CADPS2: variants seen among roughly 807,000 people sequenced by gnomAD.
CADPS2 encodes calcium dependent secretion activator 2, also known as calcium-dependent secretion activator 2.
Under a neutral mutation model 172.5 loss-of-function variants are expected in CADPS2, and 93 were observed. The ratio of observed to expected loss-of-function variants is 0.54; its 90% CI spans 0.46 to 0.64. The LOEUF (loss-of-function observed/expected upper bound fraction) is 0.64. Ranked by LOEUF, CADPS2 falls within the 30% of genes least tolerant of loss-of-function variation. CADPS2 has a pLI of 0.00. For missense variants in CADPS2, 1,420 were observed against 1,565.9 expected (o/e 0.91, Z 1.57); for synonymous variants, 546 against 555.2 (o/e 0.98, Z 0.23).
intron 17 of CADPS2, among the ~76,000 whole-genome samples, chr7:122,435,142 G>GA (rs554125053): frequency 5.3e-4 from 80 of 152,094 alleles, no homozygotes; most frequent in South Asian, 4.6e-3. Flanking sequence ...GAAGCCCTGA[G>GA]AAAAAGAGAG....
chr7:122,850,517 T>C (rs1341047261), intron 1 of CADPS2, among the ~76,000 whole-genome samples: 3 of 152,224 alleles, frequency 2.0e-5, no homozygotes, highest in African/African-American at 7.2e-5. Context: ...TTTTATTCTT[T>C]TATTGGCAAT....
intron 17 of CADPS2, among the ~76,000 whole-genome samples, chr7:122,427,017 G>C (rs2049246600): frequency 6.6e-6 from 1 of 152,180 alleles, no homozygotes; most frequent in Admixed American, 6.5e-5. Flanking sequence ...ATCTTCAGAG[G>C]AAGTAGGAAA....
At chr7:122,555,541 C>T (rs181823186) in intron 7 of CADPS2, among the ~76,000 whole-genome samples, 5 of 152,110 alleles carry the variant, frequency 3.3e-5, no homozygotes, top group Admixed American at 1.3e-4. Context: ...AGCCATAAAC[C>T]TGAAGTTTAG....
chr7:122,879,553 TAAAA>T (rs1220809784), intron 1 of CADPS2, among the ~76,000 whole-genome samples: 3 of 149,826 alleles, frequency 2.0e-5, no homozygotes, highest in Non-Finnish European at 4.4e-5. Flanking sequence ...AAAATAAAAA[TAAAA>T]AAAGAAAAGA....
At position 122,379,435 on chromosome 7, in the gene CADPS2, T is replaced by C; in HGVS notation, c.3320A>G (p.Tyr1107Cys). 6.3e-7 allele frequency: 1 copy of C among 1,599,356 alleles called. No individual in the cohort carries two copies. Among genetic ancestry groups the C allele is most frequent in the Non-Finnish European group, 8.6e-7 (1 of 1,168,914 alleles). Reference protein sequence around the residue: ...CALDGGQEQQYHSKIDDLIDN... With the variant: ...CALDGGQEQQCHSKIDDLIDN... Reference sequence around the variant, plus strand: ...GATCAGATCATCTATTTTTGAATGGTACTGTTGCTAGATATTAAAAGATAA... The same window carrying C: ...GATCAGATCATCTATTTTTGAATGGCACTGTTGCTAGATATTAAAAGATAA... Residue 1107 changes from tyrosine (Y) to cysteine (C), a missense_variant, in exon 25 of 30, where the codon TAC (tyrosine) becomes TGC (cysteine). Coordinates refer to ENST00000449022, the MANE Select transcript of CADPS2 (RefSeq NM_017954.11).
At chr7:122,564,387 C>A (rs1380010193) in intron 7 of CADPS2, among the ~76,000 whole-genome samples, 5 of 152,130 alleles carry the variant, frequency 3.3e-5, no homozygotes, top group African/African-American at 1.2e-4. Context: ...TGGCTCACTG[C>A]AACCTCTGCC....
chr7:122,851,253 C>T (rs552238275), intron 1 of CADPS2, among the ~76,000 whole-genome samples: 2 of 152,246 alleles, frequency 1.3e-5, no homozygotes, highest in Admixed American at 6.5e-5. Context: ...AATTGGACTA[C>T]AGTGCAGTCC....
chr7:122,679,023 C>T (rs368373179), intron 2 of CADPS2, among the ~76,000 whole-genome samples: 3 of 152,090 alleles, frequency 2.0e-5, no homozygotes, highest in African/African-American at 7.2e-5. Context: ...ACTGCGTTAA[C>T]TGCACAAATT....
chr7:122,826,322 C>G (rs1563114175), intron 1 of CADPS2, among the ~76,000 whole-genome samples: 1 of 152,172 alleles, frequency 6.6e-6, no homozygotes, highest in Non-Finnish European at 1.5e-5. Flanking sequence ...GCTGCTGGAG[C>G]AGTATCCAAA....
intron 3 of CADPS2, among the ~76,000 whole-genome samples, chr7:122,640,266 T>C (rs1420374916): frequency 6.6e-6 from 1 of 152,192 alleles, no homozygotes; most frequent in Non-Finnish European, 1.5e-5. Flanking sequence ...TATGAGTCTG[T>C]GGCCAGGTCT....
chr7:122,580,840 A>G (rs13222290), intron 7 of CADPS2, among the ~76,000 whole-genome samples: 54,068 of 151,926 alleles, frequency 0.36, 10,021 homozygotes, highest in Middle Eastern at 0.44. Flanking sequence ...CCCAGGGACA[A>G]AAATATGTTA....
intron 8 of CADPS2, among the ~76,000 whole-genome samples, chr7:122,542,717 AT>A (rs765674079): frequency 1.7e-4 from 25 of 150,846 alleles, no homozygotes; most frequent in African/African-American, 5.3e-4. Context: ...TTTATTCATT[AT>A]TTTTTTTTCT....
chr7:122,746,602 C>T (rs557933561), intron 1 of CADPS2, among the ~76,000 whole-genome samples: 4 of 150,040 alleles, frequency 2.7e-5, no homozygotes, highest in South Asian at 2.1e-4. Flanking sequence ...CTAACACTAA[C>T]GACAGCTGAT....
At chr7:122,539,412 C>T (rs1244815771) in intron 8 of CADPS2, among the ~76,000 whole-genome samples, 4 of 152,094 alleles carry the variant, frequency 2.6e-5, no homozygotes, top group Non-Finnish European at 4.4e-5. Context: ...TCATTATAAA[C>T]GACCCAGTCT....
chr7:122,886,194 C>T lies in CADPS2; in HGVS notation c.144G>A (p.Ala48=), dbSNP rs1290780048. The T allele has an allele frequency of 4.8e-6, 7 of 1,469,084 alleles. No homozygotes were observed. The Admixed American group carries it at 8.8e-5, about 19-fold the overall frequency. 91.0% of individuals were successfully genotyped at this position (1,469,084 alleles called of 1,614,324 possible). ...CAGATCTGGCCGCGCCGCCGCCGCCCGCGCGCCCCGGCGCGTCCCGCCGCC... is the reference window on the plus strand; with the variant it reads ...CAGATCTGGCCGCGCCGCCGCCGCCTGCGCGCCCCGGCGCGTCCCGCCGCC... ...REGRRDAPGR[A]GGGGAARSVS... Residue 48 remains alanine, a synonymous_variant, in exon 1 of 30, where the codon GCG becomes GCA. Coordinates refer to ENST00000449022, the MANE Select transcript of CADPS2 (RefSeq NM_017954.11).
At chr7:122,597,797 AAAAAATGT>A (rs1234697162) in intron 6 of CADPS2, among the ~76,000 whole-genome samples, 1 of 152,132 alleles carries the variant, frequency 6.6e-6, no homozygotes, top group Non-Finnish European at 1.5e-5. Flanking sequence ...TTGGGAGAAT[AAAAAATGT>A]AACTGTGGAT....
intron 10 of CADPS2, among the ~76,000 whole-genome samples, 164 bp downstream of exon 10, chr7:122,491,148 T>C (rs2058245677): frequency 2.0e-5 from 3 of 152,094 alleles, no homozygotes; most frequent in Non-Finnish European, 4.4e-5. Flanking sequence ...ATACAAGCCC[T>C]CCAAAAGAGA....
At chr7:122,358,735 T>C (rs1041497919) in intron 27 of CADPS2, among the ~76,000 whole-genome samples, 1 of 152,114 alleles carries the variant, frequency 6.6e-6, no homozygotes, top group African/African-American at 2.4e-5. Flanking sequence ...CAACAAGACC[T>C]TACAGCTTTT....
chr7:122,881,322 G>A (rs917372135), intron 1 of CADPS2, among the ~76,000 whole-genome samples: 2 of 152,124 alleles, frequency 1.3e-5, no homozygotes, highest in Non-Finnish European at 2.9e-5. Context: ...AAATGACAAC[G>A]TCACTTAATC....
Sources: allele counts gnomAD v4.1 joint callset (sites outside exome capture counted in the v4.1 genomes callset), GRCh38; gene constraint gnomAD v4.1.1; transcripts MANE v1.5; gene names NCBI Gene and HGNC (gene_info 2026-07-23, HGNC 2026-07-21).